Variants in NTM observed in about 807,000 individuals in gnomAD.
NTM encodes IgLON family member 2.
A neutral mutation model predicts 42.1 loss-of-function variants in NTM; 13 were observed. The observed-to-expected ratio is 0.31, with a 90% CI of 0.20 to 0.49. The LOEUF is 0.49. Among genes scored for constraint, NTM ranks in the 20% least tolerant of loss-of-function variants. The pLI is 0.99. For synonymous variants in NTM, 187 were observed against 179.2 expected (o/e 1.04, Z -0.35); for missense variants, 373 against 452.8 (o/e 0.82, Z 1.60).
chr11:131,391,644 G>GAA (rs5795723), intron 1 of NTM, among the ~76,000 whole-genome samples: 1,879 of 81,408 alleles, frequency 0.023, 41 homozygotes, highest in Middle Eastern at 0.029. Flanking sequence ...TTTTATCTGG[G>GAA]AAAAAAAAAA....
At chr11:132,038,604 C>T (rs1280053797) in intron 2 of NTM, among the ~76,000 whole-genome samples, 1 of 152,176 alleles carries the variant, frequency 6.6e-6, no homozygotes, top group African/African-American at 2.4e-5. Context: ...GCGTTTAGCA[C>T]ATTGGATCCG....
rs1340243351 is a variant in NTM, at chr11:132,284,637, T to G, written c.527-23052T>G. The stretch of plus-strand genomic sequence containing the variant: ...TCCAAATGCCCTCACACTGTGATAC[T>G]GGCGGTTGGGACTTCAACTTACGGA... On this transcript the variant is annotated intron_variant, in intron 4 of 8. Transcript: ENST00000683400. The G allele has an allele frequency of 3.3e-5, 5 of 153,218 alleles. No individual in the cohort carries two copies. The East Asian group carries it at 9.6e-4, about 29-fold the overall frequency. The allele number at this position is 153,218 out of a possible 1,614,324, so 9.5% of individuals were successfully genotyped here.
chr11:132,215,109 G>A (rs1305303159), intron 4 of NTM, among the ~76,000 whole-genome samples: 4 of 152,232 alleles, frequency 2.6e-5, no homozygotes, highest in African/African-American at 9.6e-5. Context: ...AAATAAACCA[G>A]GATGGGCTTG....
At chr11:131,404,696 T>C (rs2135711204) in intron 1 of NTM, among the ~76,000 whole-genome samples, 1 of 152,334 alleles carries the variant, frequency 6.6e-6, no homozygotes, top group South Asian at 2.1e-4. Context: ...CTTCAATTGA[T>C]AGCATCTTAT....
intron 4 of NTM, among the ~76,000 whole-genome samples, chr11:132,217,660 A>G (rs3133893): frequency 0.37 from 55,727 of 151,720 alleles, 10,743 homozygotes; most frequent in Middle Eastern, 0.54. Flanking sequence ...TCTCCATACC[A>G]ACAGGGCTCA....
At chr11:131,656,475 A>G (rs1592389211) in intron 1 of NTM, among the ~76,000 whole-genome samples, 1 of 152,230 alleles carries the variant, frequency 6.6e-6, no homozygotes, top group East Asian at 1.9e-4. Context: ...AGGCATTGGG[A>G]ACCATCCTCC....
At chr11:131,660,439 GCC>G (rs1181209265) in intron 1 of NTM, 1 of 456,742 alleles carries the variant, frequency 2.2e-6, no homozygotes, top group African/African-American at 2.0e-5. Flanking sequence ...ATTTGAAAGA[GCC>G]CAGAAGCCAC....
At chr11:131,907,376 A>T (rs1592733904) in intron 1 of NTM, among the ~76,000 whole-genome samples, 1 of 152,024 alleles carries the variant, frequency 6.6e-6, no homozygotes, top group Non-Finnish European at 1.5e-5. Context: ...CTGCTTCCTC[A>T]CCTGCCTGCC....
chr11:131,586,161 A>G (rs1592130298), intron 1 of NTM, among the ~76,000 whole-genome samples: 1 of 152,142 alleles, frequency 6.6e-6, no homozygotes, highest in South Asian at 2.1e-4. Context: ...GCTAGAGTGC[A>G]GTGGTGCAAT....
chr11:131,491,132 GACCA>G (rs71475758), intron 1 of NTM, among the ~76,000 whole-genome samples: 16,230 of 152,144 alleles, frequency 0.11, 1,137 homozygotes, highest in Admixed American at 0.21. Context: ...AGTTTTTCAA[GACCA>G]ACATCCTAAG....
At chr11:131,758,269 C>G (rs576081498) in intron 1 of NTM, among the ~76,000 whole-genome samples, 223 of 152,144 alleles carry the variant, frequency 1.5e-3, no homozygotes, top group African/African-American at 5.0e-3. Flanking sequence ...CCCTCCCCCC[C>G]GCCAACCCCG....
intron 1 of NTM, among the ~76,000 whole-genome samples, chr11:131,424,113 GTTCCTTTGACTGACGTTATGATGA>G (rs1947812574): frequency 6.6e-6 from 1 of 152,066 alleles, no homozygotes; most frequent in South Asian, 2.1e-4. Flanking sequence ...ATTATTAGGC[GTTCCTTTGACTGACGTTATGATGA>G]TAAATGAAAA....
chr11:131,591,761 C>T (rs748129901), intron 1 of NTM, among the ~76,000 whole-genome samples: 7 of 152,162 alleles, frequency 4.6e-5, no homozygotes, highest in South Asian at 2.1e-4. Context: ...ATACCCAGAG[C>T]GCTAATGTGC....
intron 1 of NTM, among the ~76,000 whole-genome samples, chr11:131,820,872 T>C (rs1174771266): frequency 6.6e-6 from 1 of 152,184 alleles, no homozygotes; most frequent in Admixed American, 6.5e-5. Flanking sequence ...GGTGTCTCCA[T>C]TCATTTTGCT....
chr11:131,429,228 T>A (rs749707351), intron 1 of NTM, among the ~76,000 whole-genome samples: 8 of 152,106 alleles, frequency 5.3e-5, no homozygotes, highest in Non-Finnish European at 1.2e-4. Context: ...TCCCTAAGCC[T>A]CTCAGGAGAG....
chr11:131,808,798 A>G (rs2092622440), intron 1 of NTM, among the ~76,000 whole-genome samples: 1 of 152,206 alleles, frequency 6.6e-6, no homozygotes, highest in Admixed American at 6.5e-5. Context: ...AAAGAGAGAA[A>G]GGAGTCAAGT....
chr11:131,949,059 G>A (rs991432662), intron 2 of NTM, among the ~76,000 whole-genome samples: 1 of 152,158 alleles, frequency 6.6e-6, no homozygotes, highest in African/African-American at 2.4e-5. Flanking sequence ...GGGATACAGC[G>A]TGTAAGTGGA....
At chr11:131,892,233 T>C (rs551271177) in intron 1 of NTM, among the ~76,000 whole-genome samples, 6 of 152,328 alleles carry the variant, frequency 3.9e-5, no homozygotes, top group South Asian at 2.1e-4. Context: ...AAATGGGACA[T>C]GGTTCTGCTA....
intron 1 of NTM, among the ~76,000 whole-genome samples, chr11:131,509,134 C>T (rs2047913173): frequency 6.6e-6 from 1 of 152,196 alleles, no homozygotes; most frequent in Non-Finnish European, 1.5e-5. Flanking sequence ...TGCCTCTACA[C>T]CATGTCAAAT....
Sources: allele counts gnomAD v4.1 joint callset (sites outside exome capture counted in the v4.1 genomes callset), GRCh38; gene constraint gnomAD v4.1.1; transcripts MANE v1.5; gene names NCBI Gene and HGNC (gene_info 2026-07-23, HGNC 2026-07-21).